Variants in TENM4 observed in about 807,000 individuals in gnomAD.
TENM4 encodes the protein teneurin-4.
A neutral mutation model predicts 243.3 loss-of-function variants in TENM4; 82 were observed. The observed-to-expected ratio is 0.34, with a 90% confidence interval of 0.28 to 0.40. The LOEUF is 0.40. Ranked by LOEUF, TENM4 falls within the 10% of genes least tolerant of loss-of-function variation. The pLI, the probability that TENM4 is intolerant of heterozygous loss-of-function variation, is 1.00. For missense variants in TENM4, 3,138 were observed against 3,673.3 expected (o/e 0.85, Z 3.77); for synonymous variants, 1,412 against 1,456.3 (o/e 0.97, Z 0.69).
chr11:79,078,485 G>A (rs1019363432), intron 4 of TENM4, among the ~76,000 whole-genome samples: 1 of 152,118 alleles, frequency 6.6e-6, no homozygotes, highest in Admixed American at 6.5e-5. Flanking sequence ...CTTGTACCAA[G>A]TATTGTGTTG....
chr11:78,691,477 T>C (rs1158494390), intron 28 of TENM4, among the ~76,000 whole-genome samples: 2 of 152,168 alleles, frequency 1.3e-5, no homozygotes, highest in Non-Finnish European at 2.9e-5. Context: ...GGACACACAG[T>C]AGGTACATGA....
intron 2 of TENM4, among the ~76,000 whole-genome samples, chr11:79,277,501 C>G (rs1856079006): frequency 6.6e-6 from 1 of 152,136 alleles, no homozygotes. Flanking sequence ...GGGATTTGAA[C>G]CCAGGTCTTT....
chr11:79,311,161 A>G (rs2135413409), intron 1 of TENM4, among the ~76,000 whole-genome samples: 3 of 152,314 alleles, frequency 2.0e-5, no homozygotes, highest in Admixed American at 2.0e-4. Flanking sequence ...GGGCATTTCT[A>G]GCTTCTGACC....
chr11:79,037,619 C>T (rs1172808044), intron 6 of TENM4, among the ~76,000 whole-genome samples: 2 of 152,176 alleles, frequency 1.3e-5, no homozygotes, highest in East Asian at 3.9e-4. Flanking sequence ...AAATCCTTCC[C>T]TAATCAACCA....
intron 6 of TENM4, among the ~76,000 whole-genome samples, chr11:78,929,437 C>T (rs1191299424): frequency 6.6e-6 from 1 of 152,154 alleles, no homozygotes; most frequent in East Asian, 1.9e-4. Context: ...TAATCTCTCT[C>T]TCAGAAAAAC....
intron 4 of TENM4, among the ~76,000 whole-genome samples, chr11:79,089,378 C>T (rs2137048582): frequency 1.3e-5 from 2 of 152,292 alleles, no homozygotes; most frequent in South Asian, 2.1e-4. Flanking sequence ...AAAGGGTGTT[C>T]AAGTCAGAGC....
intron 4 of TENM4, among the ~76,000 whole-genome samples, chr11:79,122,364 C>T (rs1861761557): frequency 6.6e-6 from 1 of 152,156 alleles, no homozygotes; most frequent in South Asian, 2.1e-4. Context: ...AAGTTGGAGC[C>T]TGGACAGCCC....
At chr11:78,783,859 C>A (rs1160725759) in intron 16 of TENM4, among the ~76,000 whole-genome samples, 1 of 152,196 alleles carries the variant, frequency 6.6e-6, no homozygotes, top group South Asian at 2.1e-4. Context: ...ATAATCTGCT[C>A]TGGGAAATGT....
At chr11:78,839,785 T>C (rs1442233115) in intron 12 of TENM4, among the ~76,000 whole-genome samples, 4 of 152,222 alleles carry the variant, frequency 2.6e-5, no homozygotes, top group African/African-American at 9.7e-5. Flanking sequence ...TCTTTTTCTG[T>C]CTTTCGTTTT....
At chr11:78,910,451 G>A (rs917678751) in intron 6 of TENM4, among the ~76,000 whole-genome samples, 1 of 151,652 alleles carries the variant, frequency 6.6e-6, no homozygotes, top group African/African-American at 2.4e-5. Context: ...AATGAATCTT[G>A]GCCTACACGA....
intron 6 of TENM4, among the ~76,000 whole-genome samples, chr11:78,939,211 C>A (rs1856842113): frequency 6.6e-6 from 1 of 152,204 alleles, no homozygotes. Context: ...TCCCGAGGAA[C>A]ACTTCTCTCT....
intron 1 of TENM4, among the ~76,000 whole-genome samples, chr11:79,417,205 C>T (rs1357307040): frequency 1.3e-5 from 2 of 152,206 alleles, no homozygotes; most frequent in African/African-American, 2.4e-5. Context: ...TTGACTCTTA[C>T]GTAAGCACTG....
intron 3 of TENM4, among the ~76,000 whole-genome samples, chr11:79,157,832 T>G (rs1591321619): frequency 6.6e-6 from 1 of 152,190 alleles, no homozygotes; most frequent in African/African-American, 2.4e-5. Context: ...CAGAAGGCCT[T>G]GGACAGTGTA....
At chr11:79,124,464 C>T (rs552205165) in intron 4 of TENM4, among the ~76,000 whole-genome samples, 9 of 152,124 alleles carry the variant, frequency 5.9e-5, no homozygotes, top group African/African-American at 2.2e-4. Flanking sequence ...TTCCTGGCCT[C>T]AAAAATCGGA....
Position 78,774,156 on chromosome 11 carries a change from T to C in TENM4, c.2393-3018A>G, listed in dbSNP as rs193063225. 3.6e-3 allele frequency among the ~76,000 whole-genome samples: 542 copies of C among 152,298 alleles called. 7 individuals are homozygous for C. Among genetic ancestry groups the C allele is most frequent in the Non-Finnish European group, 1.6e-3 (110 of 68,042 alleles). On this transcript the variant is annotated intron_variant, in intron 17 of 33. Coordinates refer to ENST00000278550, the MANE Select transcript of TENM4 (RefSeq NM_001098816.3). Reference sequence around the variant, plus strand: ...TATGTGAGAGTATTAAATGAGATAATATATATCAATTATTTATCACAGTGG... The same window carrying C: ...TATGTGAGAGTATTAAATGAGATAACATATATCAATTATTTATCACAGTGG...
At chr11:78,671,918 T>C (rs1217357691) in intron 31 of TENM4, 115 bp downstream of exon 31, 29 of 1,342,184 alleles carry the variant, frequency 2.2e-5, no homozygotes, top group Non-Finnish European at 2.8e-5. Flanking sequence ...CCTGAACATT[T>C]CCTTTTGGTG....
At chr11:79,363,178 T>G (rs1857620077) in intron 1 of TENM4, among the ~76,000 whole-genome samples, 1 of 152,128 alleles carries the variant, frequency 6.6e-6, no homozygotes, top group African/African-American at 2.4e-5. Context: ...CTTGGAACAA[T>G]AAAAGGTATA....
Position 78,890,004 on chromosome 11 carries a change from G to A in TENM4, c.865C>T (p.Pro289Ser). ...CAGAAGAGCGGGGAGGTGCCTCCAG[G>A]CTTGAAGAGGAAGTGCCTGCAGATG... ...AYSDGHFLFK[P>S]GGTSPLFCTT... Residue 289 changes from proline (P) to serine (S), a missense_variant, in exon 9 of 34, where the codon CCT becomes TCT. By Grantham distance (74) the Pro-to-Ser change is moderately conservative. Transcript: ENST00000278550. 5 of 1,542,058 alleles carry A rather than the reference G, an allele frequency of 3.2e-6. No individual in the cohort carries two copies. Among genetic ancestry groups the A allele is most frequent in the Non-Finnish European group, 4.4e-6 (5 of 1,140,106 alleles).
intron 6 of TENM4, among the ~76,000 whole-genome samples, chr11:79,044,485 C>G (rs1247136842): frequency 6.6e-6 from 1 of 152,204 alleles, no homozygotes; most frequent in Non-Finnish European, 1.5e-5. Context: ...TGCAGAGGAA[C>G]TGTCCTTAGC....
Sources: allele counts gnomAD v4.1 joint callset (sites outside exome capture counted in the v4.1 genomes callset), GRCh38; gene constraint gnomAD v4.1.1; transcripts MANE v1.5; gene names NCBI Gene and HGNC (gene_info 2026-07-23, HGNC 2026-07-21).